AFG2A: variants seen among roughly 807,000 people sequenced by gnomAD.
AFG2A encodes AAA ATPase AFG2A.
the AFG2A span, among the ~76,000 whole-genome samples, chr4:123,215,888 T>G: frequency 6.6e-6 from 1 of 152,154 alleles, no homozygotes. Context: ...TCTGCCCTAG[T>G]TACAGTCTTT....
the AFG2A span, among the ~76,000 whole-genome samples, chr4:123,309,278 A>G: frequency 0.019 from 2,832 of 152,322 alleles, 96 homozygotes; most frequent in African/African-American, 0.063. Flanking sequence ...CACACTTCTG[A>G]AAACTGGGAA....
At chr4:123,117,477 G>T in the AFG2A span, among the ~76,000 whole-genome samples, 1 of 148,646 alleles carries the variant, frequency 6.7e-6, no homozygotes, top group Non-Finnish European at 1.5e-5. Context: ...ATCATGTGGA[G>T]TTAGCATACG....
At chr4:122,955,127 GT>G in the AFG2A span, among the ~76,000 whole-genome samples, 2 of 152,194 alleles carry the variant, frequency 1.3e-5, no homozygotes, top group African/African-American at 4.8e-5. Context: ...AAGACATAGG[GT>G]TTTATTAGGG....
chr4:123,132,220 C>T, the AFG2A span, among the ~76,000 whole-genome samples: 1 of 152,272 alleles, frequency 6.6e-6, no homozygotes, highest in Admixed American at 6.5e-5. Flanking sequence ...CCACCATGCT[C>T]TACATTAGGT....
chr4:123,283,382 T>C, the AFG2A span, among the ~76,000 whole-genome samples: 5 of 141,482 alleles, frequency 3.5e-5, no homozygotes, highest in African/African-American at 1.3e-4. Context: ...GAGAGAGAGA[T>C]GTTTGTCTTT....
chr4:122,933,950 G>T, the AFG2A span: 1 of 894,932 alleles, frequency 1.1e-6, no homozygotes, highest in African/African-American at 1.7e-5. Flanking sequence ...GGAATATTAG[G>T]TCCTCAATTT....
the AFG2A span, among the ~76,000 whole-genome samples, chr4:122,965,466 T>C: frequency 6.6e-6 from 1 of 152,318 alleles, no homozygotes; most frequent in Non-Finnish European, 1.5e-5. Flanking sequence ...TTGGAAACAG[T>C]GTGTTGACAT....
the AFG2A span, among the ~76,000 whole-genome samples, chr4:123,127,437 C>T: frequency 1.3e-5 from 2 of 152,070 alleles, no homozygotes; most frequent in South Asian, 4.1e-4. Flanking sequence ...CTGTGTTTTT[C>T]TGCTTAGGAC....
At chr4:123,086,204 T>G in the AFG2A span, among the ~76,000 whole-genome samples, 1 of 152,288 alleles carries the variant, frequency 6.6e-6, no homozygotes, top group East Asian at 1.9e-4. Flanking sequence ...TTTAAACATT[T>G]CTTGCAAGGC....
At chr4:123,023,862 C>G in the AFG2A span, among the ~76,000 whole-genome samples, 6 of 152,064 alleles carry the variant, frequency 3.9e-5, no homozygotes, top group Non-Finnish European at 5.9e-5. Context: ...CGAGTTGTCA[C>G]AGATCTCATT....
the AFG2A span, among the ~76,000 whole-genome samples, chr4:123,159,591 T>C: frequency 6.6e-6 from 1 of 152,312 alleles, no homozygotes. Context: ...TAAGGACCTT[T>C]CTAAAGGGGA....
At chr4:123,059,239 G>T in the AFG2A span, among the ~76,000 whole-genome samples, 18 of 150,250 alleles carry the variant, frequency 1.2e-4, no homozygotes, top group African/African-American at 4.4e-4. Context: ...TGCCATACTG[G>T]TGTGCTGCAC....
chr4:123,306,071 A>G, the AFG2A span, among the ~76,000 whole-genome samples: 12 of 152,244 alleles, frequency 7.9e-5, no homozygotes, highest in Admixed American at 5.9e-4. Context: ...GTTGTTATAA[A>G]GGAACTGCTT....
chr4:123,284,037 A>C, the AFG2A span, among the ~76,000 whole-genome samples: 1 of 152,078 alleles, frequency 6.6e-6, no homozygotes. Context: ...GGCAATTATG[A>C]TCACTTACAG....
the AFG2A span, among the ~76,000 whole-genome samples, chr4:123,031,945 T>A: frequency 6.6e-6 from 1 of 152,214 alleles, no homozygotes; most frequent in Non-Finnish European, 1.5e-5. Context: ...GTAAGTTTAG[T>A]TTGTTATCTG....
chr4:123,029,274 A>G, the AFG2A span, among the ~76,000 whole-genome samples: 1 of 152,058 alleles, frequency 6.6e-6, no homozygotes, highest in Non-Finnish European at 1.5e-5. Flanking sequence ...TTTAGTAGAG[A>G]CAGGTTTCAC....
the AFG2A span, among the ~76,000 whole-genome samples, chr4:123,288,356 A>G: frequency 1.3e-5 from 2 of 152,132 alleles, no homozygotes; most frequent in African/African-American, 4.8e-5. Context: ...ACTCAGGTAA[A>G]AGGAAATGGA....
the AFG2A span, among the ~76,000 whole-genome samples, chr4:123,142,519 T>G: frequency 6.6e-6 from 1 of 152,226 alleles, no homozygotes; most frequent in East Asian, 1.9e-4. Flanking sequence ...TAATTTTCTT[T>G]CATCTTTAAA....
the AFG2A span, among the ~76,000 whole-genome samples, chr4:123,163,113 A>C: frequency 6.6e-6 from 1 of 152,206 alleles, no homozygotes. Context: ...GTGATTAACC[A>C]AGCTGAACTC....
Sources: gnomAD v4.1 joint callset for allele counts (sites outside exome capture counted in the v4.1 genomes callset) on GRCh38, gnomAD v4.1.1 for gene constraint, MANE v1.5 for transcripts, NCBI Gene and HGNC (gene_info 2026-07-23, HGNC 2026-07-21) for gene names.